Variants in CCDC150 observed in about 807,000 individuals in gnomAD.
CCDC150 encodes coiled-coil domain containing 150.
CCDC150 carries 151 observed loss-of-function variants against 156.5 expected under a neutral mutation model. That is an observed-to-expected ratio of 0.97 (90% CI 0.85 to 1.10). CCDC150 has a LOEUF of 1.10. Among genes scored for constraint, CCDC150 ranks in the 50% least tolerant of loss-of-function variants. The pLI is 0.00. For synonymous variants in CCDC150, 452 were observed against 429.4 expected (o/e 1.05, Z -0.65); for missense variants, 1,312 against 1,268.1 (o/e 1.03, Z -0.53).
intron 1 of CCDC150, among the ~76,000 whole-genome samples, chr2:196,642,207 A>T (rs961103843): frequency 1.3e-5 from 2 of 152,340 alleles, no homozygotes; most frequent in Non-Finnish European, 2.9e-5. Context: ...TTCAAACACA[A>T]CAAAGCACAG....
intron 21 of CCDC150, among the ~76,000 whole-genome samples, chr2:196,724,835 C>T (rs544391954): frequency 1.0e-3 from 159 of 152,066 alleles, no homozygotes; most frequent in Non-Finnish European, 2.0e-3. Context: ...GAGGTGTGGG[C>T]ATGGGGAGGA....
chr2:196,720,533 A>G (rs752044154), intron 19 of CCDC150, 42 bp from the exon 20 acceptor site: 88 of 1,538,382 alleles, frequency 5.7e-5, no homozygotes, highest in Admixed American at 1.7e-4. Flanking sequence ...TTCCTACACG[A>G]TTCTTTTCTG....
At chr2:196,706,044 T>G (rs1287238063) in intron 15 of CCDC150, among the ~76,000 whole-genome samples, 1 of 152,242 alleles carries the variant, frequency 6.6e-6, no homozygotes, top group Non-Finnish European at 1.5e-5. Flanking sequence ...GGCTCCTTTT[T>G]GGTTCCATAT....
At chr2:196,651,506 C>T (rs1048054210) in intron 2 of CCDC150, among the ~76,000 whole-genome samples, 2 of 152,152 alleles carry the variant, frequency 1.3e-5, no homozygotes, top group Admixed American at 1.3e-4. Flanking sequence ...AGAAAGTCTT[C>T]ATTGCCTCTT....
intron 17 of CCDC150, chr2:196,713,448 G>T (rs1697273815): frequency 6.4e-7 from 1 of 1,550,752 alleles, no homozygotes; most frequent in South Asian, 1.2e-5. Flanking sequence ...ATAAAGGAAA[G>T]AACGTCATCA....
intron 26 of CCDC150, among the ~76,000 whole-genome samples, 154 bp downstream of exon 26, chr2:196,731,099 GAGA>G (rs2125722668): frequency 6.6e-6 from 1 of 152,248 alleles, no homozygotes; most frequent in East Asian, 1.9e-4. Flanking sequence ...CTCTATTGTA[GAGA>G]AGAAGTGATT....
Position 196,670,184 on chromosome 2 carries a change from T to C in CCDC150, c.936+308T>C, listed in dbSNP as rs188757429. Among the ~76,000 whole-genome samples the C allele has an allele frequency of 7.4e-3, 1,127 of 152,264 alleles. 11 individuals carry two copies. The highest frequency in any genetic ancestry group is 0.026 in the African/African-American group (1,070 of 41,556). ...AAGAAATATAACTACTTTTTGGTGT[T>C]GGTGGTTGCACAACAGTATGAATGT... On this transcript the variant is annotated intron_variant, in intron 8 of 27. Transcript: ENST00000389175.
intron 14 of CCDC150, among the ~76,000 whole-genome samples, chr2:196,697,271 A>C (rs1035504597): frequency 6.6e-6 from 1 of 152,018 alleles, no homozygotes; most frequent in African/African-American, 2.4e-5. Context: ...ATTCTCTGCT[A>C]TTTCTTTCAT....
chr2:196,693,564 T>G (rs546504645), intron 13 of CCDC150, among the ~76,000 whole-genome samples: 11 of 152,210 alleles, frequency 7.2e-5, no homozygotes, highest in Non-Finnish European at 1.5e-4. Flanking sequence ...CGGGATTTCC[T>G]TTTTAGACAA....
chr2:196,702,343 CTGTGTGTGTG>C (rs3220631), intron 15 of CCDC150, among the ~76,000 whole-genome samples: 6 of 143,682 alleles, frequency 4.2e-5, no homozygotes, highest in African/African-American at 1.3e-4. Flanking sequence ...GACTGAAGTG[CTGTGTGTGTG>C]TGTGTGTGTG....
intron 2 of CCDC150, among the ~76,000 whole-genome samples, chr2:196,652,265 C>G (rs1321686819): frequency 1.3e-5 from 2 of 152,216 alleles, no homozygotes; most frequent in Admixed American, 1.3e-4. Flanking sequence ...TCCCAAGTCT[C>G]AATTCCAAAG....
In CCDC150 at chr2:196,725,998, G is replaced by A. The variant is rs1312611244; in HGVS notation, c.2455G>A (p.Val819Met). Residue 819 changes from valine to methionine, a missense_variant, in exon 22 of 28, where the codon GTG (valine) becomes ATG (methionine). Val to Met is a conservative substitution (Grantham distance 21). Transcript: ENST00000389175. ...AGACCGGATGACTGAAGAGTCCAAA[G>A]TGGAAGCAGAATTGCATGCTGAACG... ...FKDRMTEESKVEAELHAERIE... is the reference protein window; with the variant it reads ...FKDRMTEESKMEAELHAERIE... The A allele has an allele frequency of 2.5e-6, 4 of 1,602,520 alleles. No homozygotes were observed. The highest frequency in any genetic ancestry group is 3.4e-6 in the Non-Finnish European group (4 of 1,174,136).
At position 196,732,469 on chromosome 2, in the gene CCDC150, C is replaced by A; in HGVS notation, c.3213C>A (p.Val1071=). Residue 1071 remains valine, a synonymous_variant, in exon 28 of 28, where the codon GTC becomes GTA. Transcript: ENST00000389175. ...AGGACCAAGATGTAAAACATGATGT[C>A]ATGTCCAACCAATCTGTTCTGCATC... ...QEKDQDVKHD[V]MSNQSVLHRW... is the part of the protein sequence containing the mutation. 2 of 1,613,260 alleles carry A rather than the reference C, an allele frequency of 1.2e-6. No individual in the cohort carries two copies. The highest frequency in any genetic ancestry group is 2.2e-5 in the South Asian group (2 of 91,040).
chr2:196,700,248 G>T (rs1696119053), intron 14 of CCDC150, among the ~76,000 whole-genome samples: 1 of 152,196 alleles, frequency 6.6e-6, no homozygotes, highest in African/African-American at 2.4e-5. Flanking sequence ...CAGCTAGTTA[G>T]CTTATGAGTG....
chr2:196,716,458 T>G (rs1279360680), intron 17 of CCDC150, among the ~76,000 whole-genome samples: 1 of 152,210 alleles, frequency 6.6e-6, no homozygotes, highest in Non-Finnish European at 1.5e-5. Flanking sequence ...ATTGAATAAC[T>G]CTCAAAATAA....
chr2:196,656,512 T>C, intron 2 of CCDC150, 121 bp from the exon 3 acceptor site: 1 of 676,992 alleles, frequency 1.5e-6, no homozygotes, highest in South Asian at 1.9e-5. Context: ...AAGCCTGCCA[T>C]GTTGGTGATG....
At chr2:196,689,160 A>G (rs1175868689) in intron 13 of CCDC150, among the ~76,000 whole-genome samples, 6 of 152,004 alleles carry the variant, frequency 3.9e-5, no homozygotes, top group East Asian at 1.9e-4. Context: ...TTGTAGTATA[A>G]TTTGAAGTCA....
intron 13 of CCDC150, among the ~76,000 whole-genome samples, chr2:196,678,910 A>G (rs1694658769): frequency 6.6e-6 from 1 of 152,198 alleles, no homozygotes; most frequent in African/African-American, 2.4e-5. Flanking sequence ...TAAAAAAGTT[A>G]GTGAATGTTA....
At chr2:196,667,185 G>A (rs1693900104) in intron 7 of CCDC150, 2 of 320,464 alleles carry the variant, frequency 6.2e-6, no homozygotes, top group African/African-American at 4.2e-5. Flanking sequence ...TAGAATATTA[G>A]TAAGGTAGTA....
Sources: allele counts gnomAD v4.1 joint callset (sites outside exome capture counted in the v4.1 genomes callset), GRCh38; gene constraint gnomAD v4.1.1; transcripts MANE v1.5; gene names NCBI Gene and HGNC (gene_info 2026-07-23, HGNC 2026-07-21).